The following CHD1L variants were observed in gnomAD, a reference collection of about 807,000 sequenced individuals.
The protein encoded by CHD1L is ATP-dependent chromatin remodeler CHD1L.
A neutral mutation model predicts 115.9 loss-of-function variants in CHD1L; 118 were observed. The ratio of observed to expected loss-of-function variants is 1.02; its 90% confidence interval spans 0.88 to 1.19. The LOEUF (loss-of-function observed/expected upper bound fraction) is 1.19. Ranked by LOEUF, CHD1L falls within the 50% of genes most tolerant of loss-of-function variation. The pLI is 0.00. For synonymous variants in CHD1L, 411 were observed against 387.1 expected, an observed-to-expected ratio of 1.06 and a Z score of -0.72; for missense variants, 1,179 against 1,065.3, an observed-to-expected ratio of 1.11 and a Z score of -1.49.
At chr1:147,281,915 A>G (rs587645640) in intron 15 of CHD1L, among the ~76,000 whole-genome samples, 1 of 152,372 alleles carries the variant, frequency 6.6e-6, no homozygotes, top group African/African-American at 2.4e-5. Context: ...TAATGAACAT[A>G]CATCACTTCA....
At chr1:147,236,387 T>C in the CHD1L span, among the ~76,000 whole-genome samples, 1 of 152,228 alleles carries the variant, frequency 6.6e-6, no homozygotes, top group Non-Finnish European at 1.5e-5. Flanking sequence ...ACAACTCTTT[T>C]AGCTCCACCA....
chr1:147,254,764 C>A, intron 2 of CHD1L, 106 bp from the exon 3 acceptor site: 4 of 655,804 alleles, frequency 6.1e-6, no homozygotes, highest in African/African-American at 1.8e-5. Context: ...CTTTGTAAAA[C>A]AAGTCTTAAA....
chr1:147,177,801 T>C, the CHD1L span, among the ~76,000 whole-genome samples: 3 of 152,298 alleles, frequency 2.0e-5, no homozygotes, highest in East Asian at 5.8e-4. Context: ...TGACTAAATG[T>C]AATGTGATAT....
intron 1 of CHD1L, among the ~76,000 whole-genome samples, chr1:147,243,457 A>G (rs782314670): frequency 2.0e-5 from 3 of 151,968 alleles, no homozygotes; most frequent in African/African-American, 4.8e-5. Flanking sequence ...TCCGCTCACC[A>G]CCGCACGTAA....
At chr1:147,187,491 G>A in the CHD1L span, among the ~76,000 whole-genome samples, 1 of 152,128 alleles carries the variant, frequency 6.6e-6, no homozygotes, top group Admixed American at 6.5e-5. Flanking sequence ...TGTGGAGAGG[G>A]GATAGTTAAA....
intron 1 of CHD1L, among the ~76,000 whole-genome samples, chr1:147,248,659 T>C (rs1667394378): frequency 6.6e-6 from 1 of 152,214 alleles, no homozygotes; most frequent in South Asian, 2.1e-4. Context: ...TGAACATTTT[T>C]TAGAATTTTA....
chr1:147,205,856 G>T, the CHD1L span, among the ~76,000 whole-genome samples: 1 of 152,204 alleles, frequency 6.6e-6, no homozygotes, highest in South Asian at 2.1e-4. Context: ...ATAGGCATGG[G>T]CAAGGACTTC....
chr1:147,252,840 A>G (rs1362399560), intron 2 of CHD1L, 105 bp downstream of exon 2: 3 of 926,088 alleles, frequency 3.2e-6, no homozygotes, highest in Non-Finnish European at 5.0e-6. Context: ...CAGTTTCACA[A>G]ATGTCCCTGG....
chr1:147,260,110 C>A (rs782285432), intron 6 of CHD1L, 192 bp downstream of exon 6: 1 of 446,924 alleles, frequency 2.2e-6, no homozygotes, highest in Admixed American at 3.5e-5. Context: ...TCAACATACC[C>A]CACCAGAGTG....
chr1:147,294,890 C>T (rs587696471), intron 22 of CHD1L, among the ~76,000 whole-genome samples: 11 of 152,188 alleles, frequency 7.2e-5, no homozygotes, highest in African/African-American at 1.9e-4. Context: ...TTTTAATGAA[C>T]AGTTAAGCAA....
At chr1:147,187,378 A>C in the CHD1L span, 3 of 648,688 alleles carry the variant, frequency 4.6e-6, no homozygotes, top group South Asian at 6.2e-5. Context: ...AGAAAGATAA[A>C]ACATTGGTCA....
chr1:147,292,499 GCTGT>G (rs1356327533), intron 20 of CHD1L, among the ~76,000 whole-genome samples: 1 of 152,170 alleles, frequency 6.6e-6, no homozygotes, highest in Non-Finnish European at 1.5e-5. Flanking sequence ...TTTTGAGGTT[GCTGT>G]CTATGTGACT....
chr1:147,288,542 A>G (rs1225466745), intron 19 of CHD1L, among the ~76,000 whole-genome samples: 7 of 150,804 alleles, frequency 4.6e-5, no homozygotes, highest in Non-Finnish European at 8.9e-5. Context: ...TTAGCCAGGC[A>G]TGGTGGCACA....
chr1:147,185,468 A>G, the CHD1L span, among the ~76,000 whole-genome samples: 1 of 152,200 alleles, frequency 6.6e-6, no homozygotes, highest in African/African-American at 2.4e-5. Context: ...TAGGGAAAGC[A>G]AAAGACCTGA....
At chr1:147,223,377 G>T in the CHD1L span, among the ~76,000 whole-genome samples, 1 of 152,160 alleles carries the variant, frequency 6.6e-6, no homozygotes, top group Non-Finnish European at 1.5e-5. Context: ...GGGTGCAAAA[G>T]GATTGTATTT....
At chr1:147,260,492 C>T (rs1671560172) in intron 6 of CHD1L, 2 of 152,248 alleles carry the variant, frequency 1.3e-5, no homozygotes, top group South Asian at 4.2e-4. Flanking sequence ...GATAGGTTTA[C>T]TAATATCTGG....
the CHD1L span, chr1:147,213,605 CAAAT>C: frequency 5.8e-6 from 4 of 694,650 alleles, no homozygotes; most frequent in Non-Finnish European, 8.8e-6. Flanking sequence ...TCATACTCCA[CAAAT>C]AAGAACTGTT....
intron 19 of CHD1L, among the ~76,000 whole-genome samples, chr1:147,289,754 A>G (rs1162978024): frequency 1.3e-5 from 2 of 152,236 alleles, no homozygotes; most frequent in African/African-American, 2.4e-5. Flanking sequence ...TGGGTATTGA[A>G]GGACCCAGGC....
the CHD1L span, among the ~76,000 whole-genome samples, chr1:147,200,046 T>TC: frequency 6.0e-3 from 908 of 152,180 alleles, 4 homozygotes; most frequent in Middle Eastern, 0.01. Flanking sequence ...CTCCATACCT[T>TC]CCCCCTCTCC....
Sources: gnomAD v4.1 joint callset for allele counts (sites outside exome capture counted in the v4.1 genomes callset) on GRCh38, gnomAD v4.1.1 for gene constraint, MANE v1.5 for transcripts, NCBI Gene and HGNC (gene_info 2026-07-23, HGNC 2026-07-21) for gene names.